The following FRMPD2 variants were observed in gnomAD, a reference collection of about 807,000 sequenced individuals.
FRMPD2 encodes the protein FERM and PDZ domain-containing protein 2.
FRMPD2 carries 96 observed loss-of-function variants against 140.1 expected under a neutral mutation model. That is an observed-to-expected ratio of 0.69 (90% CI 0.58 to 0.81). FRMPD2 has a LOEUF of 0.81. Ranked by LOEUF, FRMPD2 falls within the 40% of genes least tolerant of loss-of-function variation. The pLI is 0.00. For missense variants in FRMPD2, 1,240 were observed against 1,447.4 expected (o/e 0.86, Z 2.32); for synonymous variants, 449 against 547.6 (o/e 0.82, Z 2.52).
chr10:48,167,617 C>A (rs1248003634), intron 27 of FRMPD2, among the ~76,000 whole-genome samples: 20 of 120,646 alleles, frequency 1.7e-4, no homozygotes, highest in African/African-American at 6.0e-4. Flanking sequence ...CCCCATAAAA[C>A]CTCCCACGCT....
At chr10:48,204,639 T>G (rs759770834) in intron 14 of FRMPD2, among the ~76,000 whole-genome samples, 1 of 152,244 alleles carries the variant, frequency 6.6e-6, no homozygotes, top group Non-Finnish European at 1.5e-5. Context: ...TTTTGATATC[T>G]GCAGGATTTG....
chr10:48,239,268 T>C (rs56118955), intron 7 of FRMPD2, among the ~76,000 whole-genome samples: 10,776 of 152,296 alleles, frequency 0.071, 566 homozygotes, highest in African/African-American at 0.15. Flanking sequence ...ATTGTTGCTT[T>C]TAGCCACTGT....
intron 10 of FRMPD2, among the ~76,000 whole-genome samples, chr10:48,231,647 CT>C (rs1839848708): frequency 6.6e-6 from 1 of 152,190 alleles, no homozygotes; most frequent in Admixed American, 6.5e-5. Flanking sequence ...GAGAGCCTGT[CT>C]CTCTCCACTG....
At chr10:48,203,517 C>G (rs7906257) in intron 14 of FRMPD2, among the ~76,000 whole-genome samples, 51,115 of 152,010 alleles carry the variant, frequency 0.34, 10,321 homozygotes, top group African/African-American at 0.56. Flanking sequence ...AGGTGGGCGC[C>G]ATTACTCTTG....
chr10:48,233,374 C>G (rs1362932498), intron 9 of FRMPD2, among the ~76,000 whole-genome samples: 2 of 152,196 alleles, frequency 1.3e-5, no homozygotes, highest in East Asian at 3.9e-4. Flanking sequence ...GTGAGGAGAC[C>G]ACTCCCAAGA....
intron 1 of FRMPD2, among the ~76,000 whole-genome samples, chr10:48,265,633 T>C (rs1277534172): frequency 6.6e-6 from 1 of 152,192 alleles, no homozygotes; most frequent in Non-Finnish European, 1.5e-5. Flanking sequence ...ATATCACTGA[T>C]CATTAGAGAC....
At chr10:48,213,654 T>C (rs1428586992) in intron 12 of FRMPD2, among the ~76,000 whole-genome samples, 1 of 151,596 alleles carries the variant, frequency 6.6e-6, no homozygotes, top group Non-Finnish European at 1.5e-5. Context: ...AAAAAAAAAA[T>C]GAGCTGTCAA....
intron 3 of FRMPD2, among the ~76,000 whole-genome samples, chr10:48,247,837 G>T (rs947164050): frequency 6.6e-6 from 1 of 152,172 alleles, no homozygotes; most frequent in African/African-American, 2.4e-5. Context: ...TGAGAGGCAC[G>T]CAAGTCTGTG....
At chr10:48,240,559 C>G in intron 5 of FRMPD2, 67 bp from the exon 6 acceptor site, 1 of 1,592,934 alleles carries the variant, frequency 6.3e-7, no homozygotes, top group Non-Finnish European at 8.6e-7. Context: ...TAGATACATG[C>G]AAACTGGCTG....
chr10:48,211,532 C>T (rs757474310), intron 13 of FRMPD2, among the ~76,000 whole-genome samples: 29 of 152,062 alleles, frequency 1.9e-4, no homozygotes, highest in Non-Finnish European at 3.4e-4. Flanking sequence ...CCTGTAGTCC[C>T]AGCACTTTGG....
intron 26 of FRMPD2, among the ~76,000 whole-genome samples, chr10:48,170,220 C>A (rs2132402451): frequency 6.7e-6 from 1 of 148,380 alleles, no homozygotes; most frequent in East Asian, 2.0e-4. Flanking sequence ...TTGGGCTCAG[C>A]TAGGGGAACA....
chr10:48,232,277 T>G lies in FRMPD2; in HGVS notation c.1006A>C (p.Lys336Gln). The change falls in exon 10 of 29, where the codon AAA becomes CAA. Residue 336 changes from lysine (K) to glutamine (Q), a missense_variant. Lys to Gln is a moderately conservative substitution (Grantham distance 53). This residue lies in a region of FRMPD2 where 1,161 missense variants were observed against 1,055.9 expected (regional missense o/e 1.10). Transcript: ENST00000374201. ...LPGSVVTKKG[K>Q]SYLALRDLCV... ...AGGTCCCTGAGAGCCAAATAGGATTTCCCTTTTTTGGTCTGAAAACAACAA... is the reference window on the plus strand; with the variant it reads ...AGGTCCCTGAGAGCCAAATAGGATTGCCCTTTTTTGGTCTGAAAACAACAA... 4 of 1,610,300 alleles carry G rather than the reference T, an allele frequency of 2.5e-6. No homozygotes were observed. The highest frequency in any genetic ancestry group is 3.4e-6 in the Non-Finnish European group (4 of 1,177,880).
intron 1 of FRMPD2, among the ~76,000 whole-genome samples, chr10:48,270,793 T>C (rs1453196663): frequency 6.6e-6 from 1 of 152,010 alleles, no homozygotes; most frequent in East Asian, 1.9e-4. Context: ...GACGACATTT[T>C]TGTCTCCTTC....
At chr10:48,237,746 C>T (rs578080513) in intron 8 of FRMPD2, among the ~76,000 whole-genome samples, 1 of 152,244 alleles carries the variant, frequency 6.6e-6, no homozygotes, top group South Asian at 2.1e-4. Flanking sequence ...TAGGGTGGGA[C>T]CCAGCATCTT....
intron 27 of FRMPD2, among the ~76,000 whole-genome samples, chr10:48,167,475 C>T (rs1309645536): frequency 3.6e-5 from 3 of 82,798 alleles, no homozygotes; most frequent in South Asian, 4.7e-4. Flanking sequence ...TTCATGGCAG[C>T]TCCAAGGGGC....
intron 10 of FRMPD2, among the ~76,000 whole-genome samples, chr10:48,223,541 G>A (rs1054678135): frequency 4.6e-5 from 7 of 152,170 alleles, no homozygotes; most frequent in African/African-American, 1.4e-4. Context: ...ACAAGATGTC[G>A]CTTAATATCT....
At chr10:48,208,114 C>T (rs568853148) in intron 13 of FRMPD2, among the ~76,000 whole-genome samples, 1 of 152,150 alleles carries the variant, frequency 6.6e-6, no homozygotes, top group African/African-American at 2.4e-5. Flanking sequence ...ATTTATTGAG[C>T]GCTGGTGCTG....
rs572767891 is a variant in FRMPD2 at position 48,201,244 on chromosome 10, A to G, written c.1938T>C (p.Pro646=). The G allele has an allele frequency of 1.2e-6, 2 of 1,607,578 alleles. No homozygotes were observed. The highest frequency in any genetic ancestry group is 4.5e-5 in the East Asian group (2 of 44,734). Residue 646 remains proline, a synonymous_variant, in exon 15 of 29, where the codon CCT becomes CCC. Coordinates refer to ENST00000374201, the MANE Select transcript of FRMPD2 (RefSeq NM_001018071.4). ...TCTACTCACCAAATAAAACATGGGAAGGCTGCCCAGAGCCCATCTGTGCAT... is the reference window on the plus strand; with the variant it reads ...TCTACTCACCAAATAAAACATGGGAGGGCTGCCCAGAGCCCATCTGTGCAT... The part of the protein sequence containing the change: ...GFNAQMGSGQ[P]SHVLFDHDKF...
At chr10:48,200,951 G>A (rs1839071903) in intron 15 of FRMPD2, among the ~76,000 whole-genome samples, 1 of 152,102 alleles carries the variant, frequency 6.6e-6, no homozygotes, top group Non-Finnish European at 1.5e-5. Flanking sequence ...TAAAATTATG[G>A]GGCCAAGAGG....
Sources: gnomAD v4.1 joint callset for allele counts (sites outside exome capture counted in the v4.1 genomes callset) on GRCh38, gnomAD v4.1.1 for gene constraint, gnomAD v4.1.1 regional missense constraint, MANE v1.5 for transcripts, NCBI Gene and HGNC (gene_info 2026-07-23, HGNC 2026-07-21) for gene names.